The following SLC25A42 variants were observed in gnomAD, a reference collection of about 807,000 sequenced individuals.
The protein encoded by SLC25A42 is mitochondrial coenzyme A transporter SLC25A42.
In SLC25A42, 19 loss-of-function variants were observed where a neutral mutation model predicts 34.7. That is an observed-to-expected ratio of 0.55 (90% CI 0.38 to 0.80). The LOEUF (loss-of-function observed/expected upper bound fraction) is 0.80. SLC25A42 is among the 30% of genes least tolerant of loss of function. The pLI is 0.00. For missense variants in SLC25A42, 364 were observed against 441.3 expected, an observed-to-expected ratio of 0.82 and a Z score of 1.57; for synonymous variants, 205 against 191.2, an observed-to-expected ratio of 1.07 and a Z score of -0.59.
chr19:19,079,671 G>A (rs933712984), intron 1 of SLC25A42, among the ~76,000 whole-genome samples: 1 of 152,174 alleles, frequency 6.6e-6, no homozygotes, highest in South Asian at 2.1e-4. Flanking sequence ...GAGCAGTTGG[G>A]TTACTTCCAC....
At chr19:19,108,790 T>G (rs2059848104) in intron 7 of SLC25A42, among the ~76,000 whole-genome samples, 1 of 151,918 alleles carries the variant, frequency 6.6e-6, no homozygotes, top group African/African-American at 2.4e-5. Context: ...AGATATTTTG[T>G]TTTTTTTCTT....
intron 1 of SLC25A42, among the ~76,000 whole-genome samples, chr19:19,075,264 G>C (rs1406949786): frequency 6.6e-6 from 1 of 152,158 alleles, no homozygotes; most frequent in Non-Finnish European, 1.5e-5. Flanking sequence ...GTGATCATGA[G>C]TTATCGAAGA....
chr19:19,071,454 TGAG>T (rs1168469986), intron 1 of SLC25A42, among the ~76,000 whole-genome samples: 1 of 152,066 alleles, frequency 6.6e-6, no homozygotes, highest in Non-Finnish European at 1.5e-5. Flanking sequence ...TGGTCAGTCT[TGAG>T]GAGAAGCTGG....
intron 7 of SLC25A42, among the ~76,000 whole-genome samples, 164 bp downstream of exon 7, chr19:19,108,209 G>A (rs2059844482): frequency 6.6e-6 from 1 of 152,156 alleles, no homozygotes; most frequent in Admixed American, 6.5e-5. Context: ...AACACACTGT[G>A]TGCAGCCGCC....
At chr19:19,107,821 C>A in intron 6 of SLC25A42, 73 bp from the exon 7 acceptor site, 2 of 1,567,686 alleles carry the variant, frequency 1.3e-6, no homozygotes, top group South Asian at 1.1e-5. Context: ...CGGGAGGAGC[C>A]GAGAGCCTCT....
At chr19:19,108,600 T>C (rs982282009) in intron 7 of SLC25A42, among the ~76,000 whole-genome samples, 6 of 151,752 alleles carry the variant, frequency 4.0e-5, no homozygotes, top group African/African-American at 1.5e-4. Flanking sequence ...ACCTAGAGCA[T>C]TGATACCTCA....
intron 2 of SLC25A42, among the ~76,000 whole-genome samples, chr19:19,099,407 GC>G (rs1026311312): frequency 1.2e-4 from 19 of 152,194 alleles, no homozygotes; most frequent in African/African-American, 4.6e-4. Context: ...CTGCTGGGTA[GC>G]CCAGGACATG....
rs547835214 is a variant in SLC25A42, at chr19:19,085,809, G to T, written c.-34-10282G>T. On this transcript the variant is annotated intron_variant, in intron 1 of 7. Coordinates refer to ENST00000318596, the MANE Select transcript of SLC25A42 (RefSeq NM_178526.5). ...CCAGACACCCTGAGGGGAGGGGAGAGGGGAGAGAGGAGAGGAGGCAAGAGG... is the reference window on the plus strand; with the variant it reads ...CCAGACACCCTGAGGGGAGGGGAGATGGGAGAGAGGAGAGGAGGCAAGAGG... Among the ~76,000 whole-genome samples, 4 of 152,212 alleles carry T rather than the reference G, an allele frequency of 2.6e-5. No homozygotes were observed. The South Asian group carries it at 8.3e-4, about 32-fold the overall frequency.
chr19:19,065,758 A>G (rs562102100), intron 1 of SLC25A42, among the ~76,000 whole-genome samples: 19 of 152,178 alleles, frequency 1.2e-4, no homozygotes, highest in Non-Finnish European at 2.5e-4. Context: ...ACATGTACCT[A>G]TAATATTCAT....
chr19:19,072,990 C>T (rs190559801), intron 1 of SLC25A42, among the ~76,000 whole-genome samples: 141 of 152,344 alleles, frequency 9.3e-4, no homozygotes, highest in Middle Eastern at 3.4e-3. Flanking sequence ...AGGTGTGACC[C>T]ACTGTATGTG....
intron 1 of SLC25A42, among the ~76,000 whole-genome samples, chr19:19,078,342 G>A (rs1467676657): frequency 6.6e-6 from 1 of 152,180 alleles, no homozygotes; most frequent in African/African-American, 2.4e-5. Flanking sequence ...CACAGCCTCA[G>A]CCTGTTTGTT....
intron 1 of SLC25A42, among the ~76,000 whole-genome samples, chr19:19,092,118 A>G (rs1599678259): frequency 1.3e-5 from 2 of 152,118 alleles, no homozygotes; most frequent in Admixed American, 1.3e-4. Flanking sequence ...CTCATCCTCA[A>G]CCCTCCCCAC....
rs2059623699 is a variant in SLC25A42, at chr19:19,070,388, C to G, written c.-35+6273C>G. Among the ~76,000 whole-genome samples, 5 of 147,098 alleles carry G rather than the reference C, an allele frequency of 3.4e-5. No homozygotes were observed. The South Asian group carries it at 1.1e-3, about 32-fold the overall frequency. On this transcript the variant is annotated intron_variant, in intron 1 of 7. Transcript: ENST00000318596. ...TCTCGGCTCACCGCAACCTCCACCTCCCAGGTTCAAGCCATTCTCCTGCCT... is the reference window on the plus strand; with the variant it reads ...TCTCGGCTCACCGCAACCTCCACCTGCCAGGTTCAAGCCATTCTCCTGCCT...
In SLC25A42 at chr19:19,073,301, A is replaced by G. The variant is rs193000460; in HGVS notation, c.-35+9186A>G. Among the ~76,000 whole-genome samples the G allele has an allele frequency of 5.9e-5, 9 of 152,220 alleles. No individual in the cohort carries two copies. In the East Asian group the frequency reaches 1.5e-3, roughly 26 times the overall value. ...GGACCCCTGCCTTCCAGGGACCCCC[A>G]GCCTGGTTGCAGGGAAGCAAGTGGA... On this transcript the variant is annotated intron_variant, in intron 1 of 7. Transcript: ENST00000318596.
chr19:19,083,478 A>C (rs2059691251), intron 1 of SLC25A42, among the ~76,000 whole-genome samples: 1 of 152,240 alleles, frequency 6.6e-6, no homozygotes, highest in African/African-American at 2.4e-5. Context: ...CTTTCCAGGG[A>C]AGTCACCCCA....
chr19:19,101,648 A>C (rs2059796784), intron 2 of SLC25A42, 133 bp from the exon 3 acceptor site: 1 of 722,924 alleles, frequency 1.4e-6, no homozygotes, highest in Non-Finnish European at 2.2e-6. Context: ...GAACCAAGCA[A>C]GGCCAACATA....
chr19:19,101,927 G>A, intron 3 of SLC25A42, 41 bp downstream of exon 3: 1 of 1,444,208 alleles, frequency 6.9e-7, no homozygotes, highest in Non-Finnish European at 9.7e-7. Context: ...AAGCTGCCAG[G>A]CGGTCACCTC....
chr19:19,105,030 CA>C, intron 4 of SLC25A42, 92 bp downstream of exon 4: 2 of 1,468,346 alleles, frequency 1.4e-6, no homozygotes, highest in Non-Finnish European at 1.9e-6. Context: ...AGGAGAGTCT[CA>C]GGGGTGGGGA....
Position 19,096,196 on chromosome 19 carries a change from C to T in SLC25A42, c.72C>T (p.Val24=), listed in dbSNP as rs775353544. 4.3e-6 allele frequency: 7 copies of T among 1,611,892 alleles called. No individual in the cohort carries two copies. Among genetic ancestry groups the T allele is most frequent in the Non-Finnish European group, 5.9e-6 (7 of 1,179,600 alleles). Residue 24 remains valine (V), a synonymous_variant, in exon 2 of 8, where the codon GTC becomes GTT. Transcript: ENST00000318596. Reference sequence around the variant, plus strand: ...CTGAGGCTGTCCTGTCCTCGTCCGTCTCATCAAAGGCAAGTACCCCGGCCT... The same window carrying T: ...CTGAGGCTGTCCTGTCCTCGTCCGTTTCATCAAAGGCAAGTACCCCGGCCT... The part of the protein sequence containing the change: ...EDAEAVLSSS[V]SSKRDHRQVL...
Sources: gnomAD v4.1 joint callset for allele counts (sites outside exome capture counted in the v4.1 genomes callset) on GRCh38, gnomAD v4.1.1 for gene constraint, MANE v1.5 for transcripts, NCBI Gene and HGNC (gene_info 2026-07-23, HGNC 2026-07-21) for gene names.